THSD7B: variants seen among roughly 807,000 people sequenced by gnomAD.
THSD7B encodes the protein thrombospondin type 1 domain containing 7B.
THSD7B carries 138 observed loss-of-function variants against 213.6 expected under a neutral mutation model. The observed-to-expected ratio is 0.65, with a 90% CI of 0.56 to 0.74. The LOEUF (loss-of-function observed/expected upper bound fraction) is 0.74. THSD7B is among the 30% of genes least tolerant of loss of function. The probability of loss-of-function intolerance (pLI) is 0.00; values close to 1 mark genes in which losing one functional copy is unlikely to be tolerated. For synonymous variants in THSD7B, 742 were observed against 687.0 expected (o/e 1.08, Z -1.25); for missense variants, 1,931 against 1,991.5 (o/e 0.97, Z 0.58).
Position 137,414,387 on chromosome 2 carries a change from A to G in THSD7B, c.2959+2515A>G, listed in dbSNP as rs550235245. Among the ~76,000 whole-genome samples, 40 of 152,240 alleles carry G rather than the reference A, an allele frequency of 2.6e-4. No homozygotes were observed. In the South Asian group the frequency reaches 8.1e-3, roughly 31 times the overall value. ...AAAAAATCTTTTAATGGTTACTAAT[A>G]AAGACTTAGTGTGTGTGTGTGTATA... On this transcript the variant is annotated intron_variant, in intron 14 of 27. Transcript: ENST00000409968.
chr2:137,254,537 A>G (rs1362857647), intron 10 of THSD7B, among the ~76,000 whole-genome samples: 3 of 152,142 alleles, frequency 2.0e-5, no homozygotes, highest in Non-Finnish European at 4.4e-5. Context: ...TTATTTGTTC[A>G]TGGGTACTGG....
chr2:136,949,389 A>G (rs1239644582), intron 2 of THSD7B, among the ~76,000 whole-genome samples: 1 of 152,192 alleles, frequency 6.6e-6, no homozygotes, highest in Non-Finnish European at 1.5e-5. Flanking sequence ...CTCACTAGGA[A>G]TGATGTAAAA....
intron 12 of THSD7B, among the ~76,000 whole-genome samples, chr2:137,299,517 C>T (rs1449157447): frequency 6.6e-6 from 1 of 151,966 alleles, no homozygotes; most frequent in Non-Finnish European, 1.5e-5. Flanking sequence ...TGGCTGTGCC[C>T]CCATCCAAAT....
intron 12 of THSD7B, among the ~76,000 whole-genome samples, chr2:137,370,619 C>A (rs1005380139): frequency 6.6e-6 from 1 of 152,106 alleles, no homozygotes; most frequent in Non-Finnish European, 1.5e-5. Flanking sequence ...CAGGCATACA[C>A]AACCATGCTT....
intron 12 of THSD7B, among the ~76,000 whole-genome samples, chr2:137,312,613 G>A (rs1683946814): frequency 1.3e-5 from 2 of 150,776 alleles, no homozygotes; most frequent in Admixed American, 6.6e-5. Flanking sequence ...TGTCAATTTT[G>A]GATCTTTCCT....
At chr2:137,393,387 A>C in intron 12 of THSD7B, among the ~76,000 whole-genome samples, 1 of 145,496 alleles carries the variant, frequency 6.9e-6, no homozygotes, top group Admixed American at 7.1e-5. Context: ...TTCAATTCCC[A>C]CCTATGAGTG....
At chr2:136,795,042 A>G (rs1463391127) in intron 1 of THSD7B, among the ~76,000 whole-genome samples, 3 of 151,946 alleles carry the variant, frequency 2.0e-5, no homozygotes, top group African/African-American at 7.2e-5. Flanking sequence ...ATTTATCTAT[A>G]TACTTATATT....
At chr2:136,998,799 C>A (rs1685943858) in intron 2 of THSD7B, among the ~76,000 whole-genome samples, 1 of 151,936 alleles carries the variant, frequency 6.6e-6, no homozygotes, top group South Asian at 2.1e-4. Context: ...TTTCAAGAGG[C>A]AGAAACATAA....
intron 15 of THSD7B, among the ~76,000 whole-genome samples, chr2:137,529,140 C>A (rs1680334363): frequency 1.3e-5 from 2 of 152,086 alleles, no homozygotes; most frequent in African/African-American, 4.8e-5. Context: ...AGGCACATTT[C>A]ATTTAATGAA....
intron 2 of THSD7B, among the ~76,000 whole-genome samples, chr2:137,034,673 T>A (rs2104855745): frequency 6.6e-6 from 1 of 152,226 alleles, no homozygotes; most frequent in Non-Finnish European, 1.5e-5. Context: ...CACTTATGAG[T>A]GAGAACATGC....
intron 27 of THSD7B, among the ~76,000 whole-genome samples, chr2:137,673,285 A>T (rs1404953679): frequency 1.3e-5 from 2 of 152,202 alleles, no homozygotes; most frequent in Non-Finnish European, 2.9e-5. Context: ...TCTGCCAGTG[A>T]TCTTTCACAG....
chr2:137,256,449 C>G (rs1465555329), intron 10 of THSD7B, among the ~76,000 whole-genome samples: 1 of 152,062 alleles, frequency 6.6e-6, no homozygotes, highest in Non-Finnish European at 1.5e-5. Context: ...TAGATGTTTA[C>G]AAGTAGTAAG....
intron 2 of THSD7B, among the ~76,000 whole-genome samples, chr2:136,942,564 A>G (rs1468510258): frequency 6.6e-6 from 1 of 151,674 alleles, no homozygotes; most frequent in African/African-American, 2.4e-5. Flanking sequence ...GAGGTCCTTC[A>G]CCTCCCTTGT....
intron 1 of THSD7B, among the ~76,000 whole-genome samples, chr2:136,802,639 TTATATATATATATATA>T (rs56719114): frequency 0.025 from 1,451 of 57,398 alleles, 59 homozygotes; most frequent in East Asian, 0.12. Flanking sequence ...TGAATTAAGT[TTATATATATATATATA>T]TATATATATA....
intron 12 of THSD7B, among the ~76,000 whole-genome samples, chr2:137,330,560 C>T (rs1303870311): frequency 1.3e-5 from 2 of 152,070 alleles, no homozygotes; most frequent in Non-Finnish European, 2.9e-5. Context: ...GTCGTGCTGG[C>T]TCAGGAGTGA....
chr2:137,366,969 T>C lies in THSD7B; in HGVS notation c.2501-38644T>C, dbSNP rs982088468. On this transcript the variant is annotated intron_variant, in intron 12 of 27. Transcript: ENST00000409968. ...GAATATAGTACAAGGATGTTTGTTT[T>C]CCGTATTTACTTCCAAAGTGATGAT... is the stretch of plus-strand genomic sequence containing the variant. 3.9e-5 allele frequency among the ~76,000 whole-genome samples: 6 copies of C among 152,192 alleles called. No individual in the cohort carries two copies. The East Asian group carries it at 7.7e-4, about 20-fold the overall frequency.
Position 137,260,325 on chromosome 2 carries a change from G to T in THSD7B, c.2267-12208G>T, listed in dbSNP as rs531809942. ...TTCTGAAATATTTGCATGTAATAAT[G>T]TGCTTTCTGAATTTTTTTAAAGTAA... On this transcript the variant is annotated intron_variant, in intron 10 of 27. Coordinates refer to ENST00000409968, the MANE Select transcript of THSD7B (RefSeq NM_001316349.2). 5.3e-5 allele frequency among the ~76,000 whole-genome samples: 8 copies of T among 152,204 alleles called. No individual in the cohort carries two copies. The East Asian group carries it at 1.5e-3, about 29-fold the overall frequency.
chr2:136,903,159 GT>G (rs5834523), intron 2 of THSD7B, among the ~76,000 whole-genome samples: 63,495 of 151,576 alleles, frequency 0.42, 15,039 homozygotes, highest in Non-Finnish European at 0.55. Flanking sequence ...CCAAAAAGGT[GT>G]TTTTTTTAAA....
At chr2:136,826,730 A>G (rs1323980306) in intron 1 of THSD7B, among the ~76,000 whole-genome samples, 1 of 152,230 alleles carries the variant, frequency 6.6e-6, no homozygotes, top group Non-Finnish European at 1.5e-5. Flanking sequence ...AGACGCAGTA[A>G]GAAAATAAAA....
Sources: gnomAD v4.1 joint callset for allele counts (sites outside exome capture counted in the v4.1 genomes callset) on GRCh38, gnomAD v4.1.1 for gene constraint, MANE v1.5 for transcripts, NCBI Gene and HGNC (gene_info 2026-07-23, HGNC 2026-07-21) for gene names.